AKT3: variants seen among roughly 807,000 people sequenced by gnomAD.
AKT3 encodes AKT serine/threonine kinase 3.
In AKT3, 15 loss-of-function variants were observed where a neutral mutation model predicts 65.3. That is an observed-to-expected ratio of 0.23 (90% CI 0.15 to 0.35). The LOEUF (loss-of-function observed/expected upper bound fraction) is 0.35, where lower values mean the gene tolerates loss of function less well. Among genes scored for constraint, AKT3 ranks in the 10% least tolerant of loss-of-function variants. The probability of loss-of-function intolerance (pLI) is 1.00; values close to 1 mark genes in which losing one functional copy is unlikely to be tolerated. For synonymous variants in AKT3, 206 were observed against 183.8 expected (o/e 1.12, Z -0.98); for missense variants, 243 against 576.5 (o/e 0.42, Z 5.92).
intron 11 of AKT3, among the ~76,000 whole-genome samples, chr1:243,551,279 AG>A (rs1433258427): frequency 6.6e-6 from 1 of 152,154 alleles, no homozygotes. Context: ...CCACCCAACA[AG>A]GCTCCTGAAA....
chr1:243,612,207 C>A (rs1677921965), intron 8 of AKT3, among the ~76,000 whole-genome samples: 1 of 152,054 alleles, frequency 6.6e-6, no homozygotes, highest in African/African-American at 2.4e-5. Flanking sequence ...CTCCCAGGCT[C>A]AAGTGATCCT....
chr1:243,580,778 C>G (rs1436180904), intron 8 of AKT3, among the ~76,000 whole-genome samples: 1 of 152,172 alleles, frequency 6.6e-6, no homozygotes, highest in Non-Finnish European at 1.5e-5. Flanking sequence ...TGCAGTAGGG[C>G]CCTTGCTGCT....
chr1:243,529,845 G>C (rs934122293), intron 12 of AKT3, among the ~76,000 whole-genome samples: 4 of 152,090 alleles, frequency 2.6e-5, no homozygotes, highest in Admixed American at 2.0e-4. Context: ...ACTGTCCTTG[G>C]TAGTTTGAAT....
chr1:243,560,288 T>C (rs1034153737), intron 10 of AKT3, among the ~76,000 whole-genome samples: 78 of 152,180 alleles, frequency 5.1e-4, no homozygotes, highest in African/African-American at 1.8e-3. Flanking sequence ...ACCATCGTTG[T>C]ATTCCCAGTA....
At chr1:243,823,292 T>C (rs574111244) in intron 2 of AKT3, among the ~76,000 whole-genome samples, 1 of 152,162 alleles carries the variant, frequency 6.6e-6, no homozygotes, top group South Asian at 2.1e-4. Flanking sequence ...ATACAAGCCA[T>C]TTATGATAAA....
chr1:243,676,931 A>C (rs980811701), intron 3 of AKT3, among the ~76,000 whole-genome samples: 1 of 152,158 alleles, frequency 6.6e-6, no homozygotes, highest in South Asian at 2.1e-4. Flanking sequence ...AGTCCTACCC[A>C]AATTCTTAAA....
intron 2 of AKT3, among the ~76,000 whole-genome samples, chr1:243,707,001 C>G (rs1316337333): frequency 6.6e-6 from 1 of 152,198 alleles, no homozygotes; most frequent in Non-Finnish European, 1.5e-5. Flanking sequence ...GCTGTTTAAT[C>G]TCTCTGGGTC....
intron 8 of AKT3, among the ~76,000 whole-genome samples, chr1:243,609,847 A>T (rs1677737550): frequency 6.6e-6 from 1 of 152,194 alleles, no homozygotes; most frequent in South Asian, 2.1e-4. Flanking sequence ...TCATCAATTA[A>T]TTAATCTTTA....
intron 5 of AKT3, among the ~76,000 whole-genome samples, chr1:243,641,283 C>A (rs1488383139): frequency 6.7e-6 from 1 of 149,970 alleles, no homozygotes; most frequent in Admixed American, 6.6e-5. Flanking sequence ...TACACACACA[C>A]ACACACGCAC....
At chr1:243,783,850 A>G (rs1217048201) in intron 2 of AKT3, among the ~76,000 whole-genome samples, 1 of 152,190 alleles carries the variant, frequency 6.6e-6, no homozygotes, top group Non-Finnish European at 1.5e-5. Flanking sequence ...AAAATTAACA[A>G]TAAGAAATTA....
At position 243,489,421 on chromosome 1, in the gene AKT3, G is replaced by A. The variant is rs375727036; in HGVS notation, c.*7-971C>T. The stretch of plus-strand genomic sequence containing the variant: ...CAAGTTGCGCCGTGCAGGCTGCGGA[G>A]GGTGCGAGAGCAGGGAGAAGCGGGA... On this transcript the variant is annotated intron_variant, in intron 13 of 13. Coordinates refer to the AKT3 transcript ENST00000336199. Among the ~76,000 whole-genome samples the A allele has an allele frequency of 3.2e-3, 491 of 152,350 alleles. 3 individuals are homozygous for A. The highest frequency in any genetic ancestry group is 0.011 in the African/African-American group (446 of 41,596).
At chr1:243,764,758 AAT>A (rs1328249716) in intron 2 of AKT3, among the ~76,000 whole-genome samples, 1 of 152,124 alleles carries the variant, frequency 6.6e-6, no homozygotes, top group Admixed American at 6.6e-5. Flanking sequence ...ATGTTACTCA[AAT>A]ATGTTATCAC....
chr1:243,757,964 T>C (rs1469224226), intron 2 of AKT3, among the ~76,000 whole-genome samples: 1 of 152,150 alleles, frequency 6.6e-6, no homozygotes, highest in Non-Finnish European at 1.5e-5. Flanking sequence ...AGTTTCGCCA[T>C]GTTGGCCAGA....
chr1:243,771,304 G>A (rs1690170946), intron 2 of AKT3, among the ~76,000 whole-genome samples: 1 of 151,914 alleles, frequency 6.6e-6, no homozygotes, highest in African/African-American at 2.4e-5. Context: ...CATCATGTTT[G>A]CCTCCCTCCT....
chr1:243,587,767 CG>C (rs1675915088), intron 8 of AKT3, among the ~76,000 whole-genome samples: 1 of 152,026 alleles, frequency 6.6e-6, no homozygotes, highest in Non-Finnish European at 1.5e-5. Context: ...CAATATAATA[CG>C]ATAAATTTCA....
intron 4 of AKT3, among the ~76,000 whole-genome samples, chr1:243,652,215 T>A (rs1292626438): frequency 6.6e-6 from 1 of 151,898 alleles, no homozygotes; most frequent in East Asian, 1.9e-4. Flanking sequence ...GCTTGGCTAA[T>A]TTTTTTGTAT....
chr1:243,606,827 C>A (rs1364423401), intron 8 of AKT3, among the ~76,000 whole-genome samples: 2 of 152,170 alleles, frequency 1.3e-5, no homozygotes, highest in Admixed American at 1.3e-4. Flanking sequence ...AAAAGCAGGG[C>A]CCCCCAACCC....
In AKT3 at chr1:243,739,523, C is replaced by T. The variant is rs542345281; in HGVS notation, c.47-43807G>A. ...ACTCACTCCTCATCACACTAGTTAC[C>T]TTTCAAGTGCTCAACAGCCACTTTG... On this transcript the variant is annotated intron_variant, in intron 2 of 13. Coordinates refer to ENST00000673466, the MANE Select transcript of AKT3 (RefSeq NM_005465.7). 7 of 152,242 alleles carry T rather than the reference C, an allele frequency of 4.6e-5. No individual in the cohort carries two copies. The South Asian group carries it at 1.5e-3, about 32-fold the overall frequency. 9.4% of individuals were successfully genotyped at this position (152,242 alleles called of 1,614,324 possible).
At chr1:243,661,071 T>C (rs369309432) in intron 4 of AKT3, among the ~76,000 whole-genome samples, 1 of 152,188 alleles carries the variant, frequency 6.6e-6, no homozygotes. Flanking sequence ...TACAAACAAA[T>C]GGAAGAACAT....
Sources: gnomAD v4.1 joint callset for allele counts (sites outside exome capture counted in the v4.1 genomes callset) on GRCh38, gnomAD v4.1.1 for gene constraint, MANE v1.5 for transcripts, NCBI Gene and HGNC (gene_info 2026-07-23, HGNC 2026-07-21) for gene names.